ILRUN: variants seen among roughly 807,000 people sequenced by gnomAD.
ILRUN encodes the protein inflammation and lipid regulator with UBA-like and NBR1-like domains.
ILRUN carries 3 observed loss-of-function variants against 33.8 expected under a neutral mutation model. That is an observed-to-expected ratio of 0.09 (90% CI 0.04 to 0.23). The LOEUF (loss-of-function observed/expected upper bound fraction) is 0.23, where lower values mean the gene tolerates loss of function less well. Among genes scored for constraint, ILRUN ranks in the 10% least tolerant of loss-of-function variants. The probability of loss-of-function intolerance (pLI) is 1.00; values close to 1 mark genes in which losing one functional copy is unlikely to be tolerated. For synonymous variants in ILRUN, 124 were observed against 138.9 expected, an observed-to-expected ratio of 0.89 and a Z score of 0.75; for missense variants, 210 against 375.1, an observed-to-expected ratio of 0.56 and a Z score of 3.64.
At chr6:34,604,688 G>A (rs941229452) in intron 4 of ILRUN, among the ~76,000 whole-genome samples, 3 of 152,126 alleles carry the variant, frequency 2.0e-5, no homozygotes, top group African/African-American at 7.2e-5. Context: ...GAGCTTAGAA[G>A]AAAATATTTT....
chr6:34,689,551 AG>A (rs1453564917), intron 1 of ILRUN, among the ~76,000 whole-genome samples: 2 of 152,104 alleles, frequency 1.3e-5, no homozygotes, highest in Non-Finnish European at 2.9e-5. Flanking sequence ...CATTTATTTA[AG>A]GAAACCAATA....
rs187563468 is a variant in ILRUN at position 34,642,895 on chromosome 6, A to G, written c.511+3706T>C. Among the ~76,000 whole-genome samples the G allele has an allele frequency of 5.3e-3, 776 of 146,056 alleles. 8 individuals are homozygous for G. The highest frequency in any genetic ancestry group is 4.6e-3 in the Non-Finnish European group (307 of 66,642). ...GTAGTCCCAGCTACTTGGGAGGCTG[A>G]GGCAAGAGGATCACTTGAGCCAAGG... On this transcript the variant is annotated intron_variant, in intron 3 of 4. Transcript: ENST00000374023.
At chr6:34,603,135 T>A (rs1235024298) in intron 4 of ILRUN, among the ~76,000 whole-genome samples, 1 of 152,172 alleles carries the variant, frequency 6.6e-6, no homozygotes, top group Non-Finnish European at 1.5e-5. Context: ...CAAGCAGAGA[T>A]CTCTCTGGAG....
intron 1 of ILRUN, among the ~76,000 whole-genome samples, chr6:34,659,618 CTTTTTTTTT>C (rs985939505): frequency 3.3e-5 from 3 of 91,478 alleles, no homozygotes; most frequent in African/African-American, 9.2e-5. Flanking sequence ...ATAAGGCAGT[CTTTTTTTTT>C]TTTTTTTTTT....
chr6:34,687,706 A>T (rs1047289072), intron 1 of ILRUN, among the ~76,000 whole-genome samples: 26 of 142,354 alleles, frequency 1.8e-4, no homozygotes, highest in African/African-American at 6.0e-4. Context: ...TCCAAAAAAA[A>T]AAATATATAT....
At chr6:34,684,120 A>C (rs761797616) in intron 1 of ILRUN, among the ~76,000 whole-genome samples, 2 of 151,908 alleles carry the variant, frequency 1.3e-5, no homozygotes, top group Admixed American at 6.6e-5. Flanking sequence ...ATAAAAACCT[A>C]TATTTTTTAC....
intron 1 of ILRUN, among the ~76,000 whole-genome samples, chr6:34,678,200 C>A (rs537017522): frequency 1.3e-5 from 2 of 151,992 alleles, no homozygotes; most frequent in Non-Finnish European, 2.9e-5. Flanking sequence ...CCACCAGGCC[C>A]GGCTAATTTT....
Position 34,696,760 on chromosome 6 carries a change from C to A in ILRUN, c.-157G>T, listed in dbSNP as rs1763788948. On this transcript the variant is annotated 5_prime_UTR_variant, in exon 1 of 5. Coordinates refer to ENST00000374023, the MANE Select transcript of ILRUN (RefSeq NM_024294.4). Reference sequence around the variant, plus strand: ...CCTCTCACAGTCTCATAGGGGTAAACTCACTCTGCCACTCACTCACTCTCC... The same window carrying A: ...CCTCTCACAGTCTCATAGGGGTAAAATCACTCTGCCACTCACTCACTCTCC... 1.4e-5 allele frequency: 8 copies of A among 585,340 alleles called. No individual in the cohort carries two copies. In the South Asian group the frequency reaches 1.8e-4, roughly 13 times the overall value. 36.3% of individuals were successfully genotyped at this position (585,340 alleles called of 1,614,324 possible).
At chr6:34,665,671 C>T (rs957276419) in intron 1 of ILRUN, among the ~76,000 whole-genome samples, 1 of 152,018 alleles carries the variant, frequency 6.6e-6, no homozygotes, top group African/African-American at 2.4e-5. Flanking sequence ...TCAAGCAATC[C>T]TCCAACCTTA....
At chr6:34,640,007 A>C (rs1762437660) in intron 3 of ILRUN, among the ~76,000 whole-genome samples, 1 of 152,176 alleles carries the variant, frequency 6.6e-6, no homozygotes, top group East Asian at 1.9e-4. Context: ...AAAAGCTAAG[A>C]AGCTAATCCT....
At chr6:34,673,050 C>CAAAGG (rs1357149775) in intron 1 of ILRUN, among the ~76,000 whole-genome samples, 1 of 152,168 alleles carries the variant, frequency 6.6e-6, no homozygotes, top group Non-Finnish European at 1.5e-5. Flanking sequence ...AAACACAAGA[C>CAAAGG]AAAGGATCAG....
rs144040150 is a variant in ILRUN at position 34,689,816 on chromosome 6, A to G, written c.158+6630T>C. Among the ~76,000 whole-genome samples the G allele has an allele frequency of 2.5e-3, 375 of 151,632 alleles. 2 individuals are homozygous for G. Among genetic ancestry groups the G allele is most frequent in the African/African-American group, 8.6e-3 (357 of 41,286 alleles). ...ATGTTGAGAAAATTAATAGGACATC[A>G]TATTTTACAGAAATATTTTTCCCAA... On this transcript the variant is annotated intron_variant, in intron 1 of 4. Coordinates refer to ENST00000374023, the MANE Select transcript of ILRUN (RefSeq NM_024294.4).
In ILRUN at chr6:34,646,548, T is replaced by C; in HGVS notation, c.511+53A>G. 6.4e-7 allele frequency: 1 copy of C among 1,569,648 alleles called. No homozygotes were observed. The stretch of plus-strand genomic sequence containing the variant: ...GCTCTGTGAGCAACACTGGGGATGT[T>C]ATAAGATGTTACCTTAGTTCCTTTA... On this transcript the variant is annotated intron_variant, in intron 3 of 4. Coordinates refer to ENST00000374023, the MANE Select transcript of ILRUN (RefSeq NM_024294.4). The surrounding 1 kb of genome is among the most constrained non-coding windows in gnomAD (Gnocchi z 4.9).
intron 4 of ILRUN, among the ~76,000 whole-genome samples, chr6:34,596,923 C>A (rs1463767281): frequency 6.6e-6 from 1 of 152,068 alleles, no homozygotes; most frequent in Non-Finnish European, 1.5e-5. Context: ...CTCATCTACC[C>A]ATTTATCCTC....
At chr6:34,662,115 AC>A (rs1333342408) in intron 1 of ILRUN, among the ~76,000 whole-genome samples, 10 of 101,936 alleles carry the variant, frequency 9.8e-5, no homozygotes, top group Middle Eastern at 7.6e-3. Context: ...ACAGAGCGAG[AC>A]TCCGTCTCAA....
intron 4 of ILRUN, among the ~76,000 whole-genome samples, chr6:34,602,261 C>T (rs539126612): frequency 1.3e-5 from 2 of 152,266 alleles, no homozygotes; most frequent in Admixed American, 1.3e-4. Context: ...TCCTAAAGAA[C>T]AGCCCCTCGA....
chr6:34,683,695 C>G (rs1197418386), intron 1 of ILRUN, among the ~76,000 whole-genome samples: 1 of 151,624 alleles, frequency 6.6e-6, no homozygotes, highest in Non-Finnish European at 1.5e-5. Flanking sequence ...GGGCTACATT[C>G]TGCCTGCAGA....
At chr6:34,650,175 G>GT (rs1438243467) in intron 2 of ILRUN, among the ~76,000 whole-genome samples, 5 of 152,178 alleles carry the variant, frequency 3.3e-5, no homozygotes, top group Admixed American at 6.5e-5. Flanking sequence ...GAAGCTCTAG[G>GT]TGCTGGTAAA....
At position 34,696,726 on chromosome 6, in the gene ILRUN, G is replaced by T; in HGVS notation, c.-123C>A. On this transcript the variant is annotated 5_prime_UTR_variant, in exon 1 of 5. Coordinates refer to ENST00000374023, the MANE Select transcript of ILRUN (RefSeq NM_024294.4). ...TTCGCGACCCCGCTCCTTTGAGGTA[G>T]GCCCCGGGCCTCTCACAGTCTCATA... 1 of 970,048 alleles carries T rather than the reference G, an allele frequency of 1.0e-6. No homozygotes were observed. Among genetic ancestry groups the T allele is most frequent in the Non-Finnish European group, 1.5e-6 (1 of 662,422 alleles). 60.1% of individuals were successfully genotyped at this position (970,048 alleles called of 1,614,324 possible).
Sources: gnomAD v4.1 joint callset for allele counts (sites outside exome capture counted in the v4.1 genomes callset) on GRCh38, gnomAD v4.1.1 for gene constraint, Gnocchi (gnomAD v3.1) non-coding constraint, MANE v1.5 for transcripts, NCBI Gene and HGNC (gene_info 2026-07-23, HGNC 2026-07-21) for gene names.